The following TRIO variants were observed in gnomAD, a reference collection of about 807,000 sequenced individuals.
TRIO encodes triple functional domain protein.
In TRIO, 58 loss-of-function variants were observed where a neutral mutation model predicts 351.9. That is an observed-to-expected ratio of 0.16 (90% CI 0.13 to 0.21). TRIO has a LOEUF of 0.21. Ranked by LOEUF, TRIO falls within the 10% of genes least tolerant of loss-of-function variation. TRIO has a pLI of 1.00. For missense variants in TRIO, 3,201 were observed against 4,027.8 expected (o/e 0.79, Z 5.56); for synonymous variants, 1,758 against 1,595.7 (o/e 1.10, Z -2.42).
chr5:14,318,875 G>C (rs1739619572), intron 9 of TRIO, among the ~76,000 whole-genome samples: 1 of 152,148 alleles, frequency 6.6e-6, no homozygotes, highest in Non-Finnish European at 1.5e-5. Context: ...CCCAAGAGGG[G>C]GCCTCATTAA....
At chr5:14,292,625 T>C (rs1737007521) in intron 5 of TRIO, among the ~76,000 whole-genome samples, 1 of 152,252 alleles carries the variant, frequency 6.6e-6, no homozygotes, top group African/African-American at 2.4e-5. Context: ...CAGAGACCCA[T>C]AAGTTCCTAA....
intron 1 of TRIO, among the ~76,000 whole-genome samples, chr5:14,176,235 G>T (rs998482803): frequency 6.6e-6 from 1 of 152,208 alleles, no homozygotes; most frequent in East Asian, 1.9e-4. Flanking sequence ...ACTTTGGGAA[G>T]CTGAGGCGGG....
intron 9 of TRIO, among the ~76,000 whole-genome samples, chr5:14,318,880 C>CG (rs1328467000): frequency 6.6e-6 from 1 of 152,212 alleles, no homozygotes; most frequent in East Asian, 1.9e-4. Context: ...GAGGGGGCCT[C>CG]ATTAACTCTT....
At chr5:14,237,309 A>G (rs1793836712) in intron 1 of TRIO, among the ~76,000 whole-genome samples, 1 of 152,216 alleles carries the variant, frequency 6.6e-6, no homozygotes, top group South Asian at 2.1e-4. Flanking sequence ...ACTTTGGAGC[A>G]TTTTAGATTT....
At chr5:14,353,216 G>A (rs1579406483) in intron 11 of TRIO, among the ~76,000 whole-genome samples, 1 of 150,686 alleles carries the variant, frequency 6.6e-6, no homozygotes, top group Non-Finnish European at 1.5e-5. Context: ...ACAGTGGCTA[G>A]CATTTACTTA....
chr5:14,452,512 G>A (rs1326675323), intron 34 of TRIO, among the ~76,000 whole-genome samples: 5 of 152,214 alleles, frequency 3.3e-5, no homozygotes, highest in African/African-American at 7.2e-5. Flanking sequence ...ACCCCGGCCC[G>A]GTGGCCTTGA....
chr5:14,450,123 A>G lies in TRIO; in HGVS notation c.5204-10896A>G, dbSNP rs115067521. Among the ~76,000 whole-genome samples the G allele has an allele frequency of 9.1e-3, 1,379 of 152,184 alleles. 13 individuals are homozygous for G. The highest frequency in any genetic ancestry group is 0.026 in the African/African-American group (1,081 of 41,520). On this transcript the variant is annotated intron_variant, in intron 34 of 56. Coordinates refer to ENST00000344204, the MANE Select transcript of TRIO (RefSeq NM_007118.4). ...TAAGAGTGTAAGAGCCAGTGTGTAC[A>G]TGTGACTTCCGTTGGCTTGTTCTGT...
chr5:14,345,786 C>T (rs1376216909), intron 11 of TRIO, among the ~76,000 whole-genome samples: 2 of 152,202 alleles, frequency 1.3e-5, no homozygotes, highest in Non-Finnish European at 2.9e-5. Flanking sequence ...GTGATCCACC[C>T]ACCTCAGCTT....
intron 34 of TRIO, among the ~76,000 whole-genome samples, chr5:14,434,642 T>C (rs1006364712): frequency 5.3e-5 from 8 of 152,244 alleles, no homozygotes; most frequent in African/African-American, 1.9e-4. Flanking sequence ...CCGAATGCAG[T>C]GCTCTTAACT....
intron 36 of TRIO, among the ~76,000 whole-genome samples, chr5:14,463,229 A>G (rs544700994): frequency 3.0e-4 from 46 of 152,356 alleles, no homozygotes; most frequent in African/African-American, 1.0e-3. Context: ...TAATGTATTG[A>G]CTAGAATCCC....
chr5:14,478,099 A>G (rs903519801), intron 41 of TRIO, among the ~76,000 whole-genome samples: 1 of 152,202 alleles, frequency 6.6e-6, no homozygotes, highest in Admixed American at 6.5e-5. Context: ...TCCATAAAAA[A>G]AAGTGGTTAG....
chr5:14,202,898 C>T (rs1185643788), intron 1 of TRIO, among the ~76,000 whole-genome samples: 1 of 151,528 alleles, frequency 6.6e-6, no homozygotes, highest in Non-Finnish European at 1.5e-5. Flanking sequence ...TCTTTATCAG[C>T]CATGTGAAAA....
Position 14,487,513 on chromosome 5 carries a change from C to T in TRIO, c.6885C>T (p.Gly2295=), listed in dbSNP as rs752923461. The T allele has an allele frequency of 5.4e-6, 5 of 934,546 alleles. No homozygotes were observed. The highest frequency in any genetic ancestry group is 7.6e-5 in the East Asian group (1 of 13,162). 57.9% of individuals were successfully genotyped at this position (934,546 alleles called of 1,614,324 possible). A position where few individuals can be genotyped will look rare whatever the true frequency, so the allele number is the denominator to read the frequency against. ...AGAGGAACCACAGCGGGGGCGGCGG[C>T]GGCGGCGGCAGCGGGGGCAGCGGCG... ...EYQRNHSGGG[G]GGGSGGSGGG... The change falls in exon 48 of 57, where the codon GGC becomes GGT. Residue 2295 remains glycine, a synonymous_variant. Coordinates refer to ENST00000344204, the MANE Select transcript of TRIO (RefSeq NM_007118.4).
intron 1 of TRIO, among the ~76,000 whole-genome samples, chr5:14,226,976 A>G (rs1793085315): frequency 6.6e-6 from 1 of 152,050 alleles, no homozygotes. Flanking sequence ...CACAATCTGA[A>G]GACAAGCGTC....
In TRIO at chr5:14,419,987, T is replaced by C. The variant is rs112897693; in HGVS notation, c.5169T>C (p.Ser1723=). 103 of 1,613,752 alleles carry C rather than the reference T, an allele frequency of 6.4e-5. No homozygotes were observed. The highest frequency in any genetic ancestry group is 8.5e-5 in the Non-Finnish European group (100 of 1,179,814). ...CACTGTGCATCGCCCACTCCAGAAG[T>C]AGCATGGAAATGGAGGGCATCTTCA... ...CGSLCIAHSR[S]SMEMEGIFNH... The change falls in exon 34 of 57, where the codon AGT becomes AGC. Residue 1723 remains serine (S), a synonymous_variant. Transcript: ENST00000344204.
intron 10 of TRIO, among the ~76,000 whole-genome samples, 196 bp from the exon 11 acceptor site, chr5:14,336,339 CA>C (rs1407180935): frequency 6.6e-6 from 1 of 152,170 alleles, no homozygotes; most frequent in Non-Finnish European, 1.5e-5. Flanking sequence ...CAAAGTTTAA[CA>C]ATCTAAAACA....
chr5:14,333,148 G>A (rs970270655), intron 10 of TRIO, among the ~76,000 whole-genome samples: 3 of 152,100 alleles, frequency 2.0e-5, no homozygotes, highest in Admixed American at 6.5e-5. Context: ...TATCACCCGC[G>A]GGCCACTTCA....
intron 11 of TRIO, among the ~76,000 whole-genome samples, chr5:14,352,973 T>C (rs1743275464): frequency 6.6e-6 from 1 of 151,922 alleles, no homozygotes; most frequent in African/African-American, 2.4e-5. Context: ...TGAGAGGAAG[T>C]GATTTCTATA....
At chr5:14,487,091 A>C (rs1042733969) in intron 47 of TRIO, among the ~76,000 whole-genome samples, 2 of 152,062 alleles carry the variant, frequency 1.3e-5, no homozygotes, top group South Asian at 2.1e-4. Context: ...GTGGTCTATG[A>C]AACCGCCTCC....
Sources: gnomAD v4.1 joint callset for allele counts (sites outside exome capture counted in the v4.1 genomes callset) on GRCh38, gnomAD v4.1.1 for gene constraint, MANE v1.5 for transcripts, NCBI Gene and HGNC (gene_info 2026-07-23, HGNC 2026-07-21) for gene names.